ABCB4: variants seen among roughly 807,000 people sequenced by gnomAD.
ABCB4 encodes phosphatidylcholine translocator ABCB4.
A neutral mutation model predicts 145.7 loss-of-function variants in ABCB4; 76 were observed. The ratio of observed to expected loss-of-function variants is 0.52; its 90% confidence interval spans 0.43 to 0.63. ABCB4 has a LOEUF of 0.63. ABCB4 is among the 30% of genes least tolerant of loss of function. ABCB4 has a pLI of 0.00. For synonymous variants in ABCB4, 517 were observed against 566.8 expected (o/e 0.91, Z 1.25); for missense variants, 1,234 against 1,553.1 (o/e 0.79, Z 3.45).
rs545271158 is a variant in ABCB4, at chr7:87,431,806, C to A, written c.1732-241G>T. Among the ~76,000 whole-genome samples, 7 of 152,284 alleles carry A rather than the reference C, an allele frequency of 4.6e-5. No homozygotes were observed. The South Asian group carries it at 1.5e-3, about 32-fold the overall frequency. ...GAGGATGGGTGATTTCTCCAGAAAC[C>A]TATGGTAGTGTCAGTGTTTACTTAA... On this transcript the variant is annotated intron_variant, in intron 14 of 27. Coordinates refer to ENST00000649586, the MANE Select transcript of ABCB4 (RefSeq NM_000443.4).
Position 87,450,009 on chromosome 7 carries a change from C to G in ABCB4, c.792G>C (p.Arg264Ser). The G allele has an allele frequency of 1.9e-6, 3 of 1,614,194 alleles. No homozygotes were observed. Among genetic ancestry groups the G allele is most frequent in the Non-Finnish European group, 2.5e-6 (3 of 1,180,028 alleles). The part of the protein sequence containing the change: ...AVAEEALGAI[R>S]TVIAFGGQNK... ...TCTGGCCCCCGAAAGCTATCACAGT[C>G]CTGATGGCCCCCAGAGCCTCTTCTG... The change falls in exon 8 of 28, where the codon AGG (arginine) becomes AGC (serine). Residue 264 changes from arginine to serine, a missense_variant. Physicochemically the swap from Arg to Ser is moderately radical, Grantham distance 110 (BLOSUM62 -1). Around this residue, in one of 7 missense-constraint regions of ABCB4, gnomAD observed 467 missense variants for 632.8 expected, o/e 0.74. Transcript: ENST00000649586.
intron 22 of ABCB4, 149 bp from the exon 23 acceptor site, chr7:87,412,182 C>T: frequency 5.1e-6 from 4 of 778,962 alleles, no homozygotes; most frequent in East Asian, 2.7e-5. Context: ...CTTCTCTAAA[C>T]ATTTATACCA....
intron 10 of ABCB4, among the ~76,000 whole-genome samples, chr7:87,444,511 T>A (rs1811209232): frequency 6.6e-6 from 1 of 152,122 alleles, no homozygotes; most frequent in East Asian, 1.9e-4. Flanking sequence ...CGATAATTTA[T>A]CTACCCCCCA....
intron 26 of ABCB4, 128 bp downstream of exon 26, chr7:87,406,160 T>C: frequency 2.2e-6 from 2 of 923,268 alleles, no homozygotes; most frequent in Non-Finnish European, 3.5e-6. Context: ...TATCCTGAAG[T>C]GCCTTGTCCA....
At chr7:87,366,020 T>A in the ABCB4 span, among the ~76,000 whole-genome samples, 1 of 152,206 alleles carries the variant, frequency 6.6e-6, no homozygotes, top group East Asian at 1.9e-4. Context: ...GTTCATGTTA[T>A]CCCTTGTCAG....
At chr7:87,445,664 G>A (rs1231489338) in intron 9 of ABCB4, among the ~76,000 whole-genome samples, 1 of 152,110 alleles carries the variant, frequency 6.6e-6, no homozygotes, top group African/African-American at 2.4e-5. Flanking sequence ...CTCAGGGCAT[G>A]GTAAAACTTC....
At chr7:87,423,103 A>T (rs1261998239) in intron 17 of ABCB4, among the ~76,000 whole-genome samples, 2 of 152,204 alleles carry the variant, frequency 1.3e-5, no homozygotes, top group African/African-American at 4.8e-5. Context: ...GATGTCCAAC[A>T]TCACAAAAAT....
chr7:87,392,503 G>A, the ABCB4 span: 1 of 1,313,928 alleles, frequency 7.6e-7, no homozygotes, highest in Non-Finnish European at 1.1e-6. Flanking sequence ...ATGAGCTTAG[G>A]ATTTTTTTCT....
the ABCB4 span, among the ~76,000 whole-genome samples, chr7:87,384,434 A>G: frequency 6.6e-6 from 1 of 152,212 alleles, no homozygotes; most frequent in Non-Finnish European, 1.5e-5. Context: ...CAGGAGGCTG[A>G]GGCACGAGAA....
chr7:87,389,489 T>C, the ABCB4 span, among the ~76,000 whole-genome samples: 1 of 152,172 alleles, frequency 6.6e-6, no homozygotes, highest in Non-Finnish European at 1.5e-5. Flanking sequence ...TGGATGAAGC[T>C]GGAAACCATC....
At chr7:87,392,471 A>G in the ABCB4 span, 2 of 916,842 alleles carry the variant, frequency 2.2e-6, no homozygotes, top group Non-Finnish European at 3.5e-6. Flanking sequence ...TCCTCTCCCA[A>G]ATTACCCCAA....
Position 87,452,991 on chromosome 7 carries a change from T to G in ABCB4, c.489A>C (p.Gly163=), listed in dbSNP as rs1811854863. 7.4e-6 allele frequency: 12 copies of G among 1,614,026 alleles called. No individual in the cohort carries two copies. The highest frequency in any genetic ancestry group is 1.3e-5 in the African/African-American group (1 of 74,926). Residue 163 remains glycine (G), a synonymous_variant, in exon 6 of 28, where the codon GGA becomes GGC. Coordinates refer to ENST00000649586, the MANE Select transcript of ABCB4 (RefSeq NM_000443.4). ...FFHAILRQEI[G]WFDINDTTEL... ...CAGTGGTGTCGTTGATGTCAAACCATCCTATTTCCTGTCGTAGAATAGCAT... is the reference window on the plus strand; with the variant it reads ...CAGTGGTGTCGTTGATGTCAAACCAGCCTATTTCCTGTCGTAGAATAGCAT...
chr7:87,446,386 A>G (rs919690684), intron 9 of ABCB4, among the ~76,000 whole-genome samples: 4 of 152,236 alleles, frequency 2.6e-5, no homozygotes, highest in Admixed American at 2.6e-4. Context: ...TATACATAGT[A>G]TGATCCCAGT....
chr7:87,448,116 C>T (rs747422996), intron 8 of ABCB4, among the ~76,000 whole-genome samples: 1 of 151,914 alleles, frequency 6.6e-6, no homozygotes, highest in African/African-American at 2.4e-5. Flanking sequence ...TGTTAAATTA[C>T]AATTTTTTTT....
chr7:87,435,280 T>C (rs1229709338), intron 14 of ABCB4, among the ~76,000 whole-genome samples: 1 of 152,186 alleles, frequency 6.6e-6, no homozygotes, highest in African/African-American at 2.4e-5. Flanking sequence ...GTGGAGCCAA[T>C]TAGTGCAGAT....
At chr7:87,402,725 G>A (rs2116303378) in intron 27 of ABCB4, among the ~76,000 whole-genome samples, 1 of 152,250 alleles carries the variant, frequency 6.6e-6, no homozygotes, top group Non-Finnish European at 1.5e-5. Flanking sequence ...CTATCAGCCG[G>A]GCAAGGTGGC....
intron 14 of ABCB4, among the ~76,000 whole-genome samples, chr7:87,438,227 A>C (rs1187056512): frequency 6.6e-6 from 1 of 152,144 alleles, no homozygotes; most frequent in Non-Finnish European, 1.5e-5. Flanking sequence ...CAATACATGA[A>C]TGTCTAATTA....
chr7:87,468,370 C>A lies in ABCB4; in HGVS notation c.135+4251G>T, dbSNP rs567288328. ...GGAAGAAGTTGAATCTCTGAATAGA[C>A]CAATAACGGGCTCTGAAATTAATAG... On this transcript the variant is annotated intron_variant, in intron 3 of 27. Transcript: ENST00000649586. Among the ~76,000 whole-genome samples, 5 of 152,120 alleles carry A rather than the reference C, an allele frequency of 3.3e-5. No homozygotes were observed. The South Asian group carries it at 8.3e-4, about 25-fold the overall frequency.
At chr7:87,429,836 A>G (rs958914518) in intron 15 of ABCB4, among the ~76,000 whole-genome samples, 9 of 149,612 alleles carry the variant, frequency 6.0e-5, no homozygotes, top group African/African-American at 2.0e-4. Context: ...TTCATTTGGT[A>G]TTTTCATTTG....
Sources: gnomAD v4.1 joint callset for allele counts (sites outside exome capture counted in the v4.1 genomes callset) on GRCh38, gnomAD v4.1.1 for gene constraint, gnomAD v4.1.1 regional missense constraint, MANE v1.5 for transcripts, NCBI Gene and HGNC (gene_info 2026-07-23, HGNC 2026-07-21) for gene names.